Variants in ARHGEF38 observed in about 807,000 individuals in gnomAD.
ARHGEF38 encodes Rho guanine nucleotide exchange factor 38, also known as Rho guanine nucleotide exchange factor (GEF) 38.
In ARHGEF38, 79 loss-of-function variants were observed where a neutral mutation model predicts 79.9. That is an observed-to-expected ratio of 0.99 (90% CI 0.82 to 1.19). The LOEUF is 1.19. ARHGEF38 is among the 50% of genes most tolerant of loss of function. The pLI, the probability that ARHGEF38 is intolerant of heterozygous loss-of-function variation, is 0.00. For missense variants in ARHGEF38, 962 were observed against 907.2 expected, an observed-to-expected ratio of 1.06 and a Z score of -0.78; for synonymous variants, 366 against 328.3, an observed-to-expected ratio of 1.11 and a Z score of -1.24.
At chr4:105,559,607 T>C (rs1725421099) in intron 1 of ARHGEF38, among the ~76,000 whole-genome samples, 1 of 152,160 alleles carries the variant, frequency 6.6e-6, no homozygotes, top group Admixed American at 6.6e-5. Context: ...CAGATTGTTA[T>C]AAAATATATT....
chr4:105,627,045 C>T (rs1170354424), intron 3 of ARHGEF38, among the ~76,000 whole-genome samples: 2 of 152,160 alleles, frequency 1.3e-5, no homozygotes, highest in Admixed American at 1.3e-4. Context: ...ACTTTATTTA[C>T]TTTTCACATA....
At chr4:105,572,642 GC>G (rs1726294716) in intron 1 of ARHGEF38, among the ~76,000 whole-genome samples, 1 of 152,048 alleles carries the variant, frequency 6.6e-6, no homozygotes, top group Non-Finnish European at 1.5e-5. Flanking sequence ...ATATGTATTT[GC>G]CCTTTGTGCC....
intron 10 of ARHGEF38, among the ~76,000 whole-genome samples, chr4:105,659,963 C>T (rs1292215672): frequency 6.6e-6 from 1 of 151,424 alleles, no homozygotes; most frequent in African/African-American, 2.4e-5. Context: ...CAACTTATAT[C>T]AACTTTTGAA....
At position 105,659,385 on chromosome 4, in the gene ARHGEF38, C is replaced by A; in HGVS notation, c.1545+20C>A. 3.3e-6 allele frequency: 5 copies of A among 1,521,350 alleles called. No individual in the cohort carries two copies. The highest frequency in any genetic ancestry group is 4.4e-6 in the Non-Finnish European group (5 of 1,139,126). The allele number at this position is 1,521,350 out of a possible 1,614,324, so 94.2% of individuals were successfully genotyped here. On this transcript the variant is annotated intron_variant, in intron 10 of 13. Coordinates refer to ENST00000420470, the MANE Select transcript of ARHGEF38 (RefSeq NM_001242729.2). ...GTGCCGGTAAGCACAGCACCAACAC[C>A]TAGCTAGCTACCTTGGCCTACTGGA...
chr4:105,598,149 C>T (rs980898971), intron 2 of ARHGEF38, among the ~76,000 whole-genome samples: 1 of 152,106 alleles, frequency 6.6e-6, no homozygotes, highest in Non-Finnish European at 1.5e-5. Context: ...TCACGCTATG[C>T]TTGAAACACC....
At chr4:105,589,856 A>G (rs1727239872) in intron 2 of ARHGEF38, among the ~76,000 whole-genome samples, 1 of 151,938 alleles carries the variant, frequency 6.6e-6, no homozygotes, top group Non-Finnish European at 1.5e-5. Flanking sequence ...ACATGGTGAA[A>G]CCTCATCTCT....
chr4:105,632,810 C>G lies in ARHGEF38; in HGVS notation c.656+1765C>G, dbSNP rs1022827861. ...ATGTGGTGCCTCTACTTTAGGCATG[C>G]GCTTCTAACTGTTCACCAGAAGTGG... is the stretch of plus-strand genomic sequence containing the variant. On this transcript the variant is annotated intron_variant, in intron 4 of 13. Coordinates refer to ENST00000420470, the MANE Select transcript of ARHGEF38 (RefSeq NM_001242729.2). The G allele has an allele frequency of 3.3e-5, 5 of 152,314 alleles. No homozygotes were observed. In the South Asian group the frequency reaches 1.0e-3, roughly 32 times the overall value. 9.4% of individuals were successfully genotyped at this position (152,314 alleles called of 1,614,324 possible).
intron 1 of ARHGEF38, among the ~76,000 whole-genome samples, chr4:105,574,685 T>C (rs1726401847): frequency 6.6e-6 from 1 of 152,162 alleles, no homozygotes; most frequent in Non-Finnish European, 1.5e-5. Context: ...TTTATTATGT[T>C]AAGGCGGTTT....
intron 5 of ARHGEF38, among the ~76,000 whole-genome samples, chr4:105,643,906 C>G (rs1403588344): frequency 3.1e-5 from 4 of 127,518 alleles, no homozygotes; most frequent in Non-Finnish European, 4.7e-5. Flanking sequence ...GCGACAGGCT[C>G]TCACTCTGTT....
intron 2 of ARHGEF38, among the ~76,000 whole-genome samples, chr4:105,603,407 G>A (rs1727907516): frequency 6.6e-6 from 1 of 152,068 alleles, no homozygotes; most frequent in African/African-American, 2.4e-5. Context: ...GTAAGGGAGG[G>A]GGAAGGTGTA....
chr4:105,553,647 A>T (rs1011507794), intron 1 of ARHGEF38, among the ~76,000 whole-genome samples: 1 of 152,228 alleles, frequency 6.6e-6, no homozygotes, highest in African/African-American at 2.4e-5. Context: ...ATAGCACATC[A>T]TTTGTTTCAG....
intron 2 of ARHGEF38, among the ~76,000 whole-genome samples, chr4:105,610,254 G>T (rs183692129): frequency 1.3e-5 from 2 of 151,978 alleles, no homozygotes; most frequent in Admixed American, 6.6e-5. Flanking sequence ...GTTAATAGGT[G>T]CAGCAAACCA....
chr4:105,640,201 G>A (rs903266815), intron 5 of ARHGEF38, among the ~76,000 whole-genome samples: 11 of 151,786 alleles, frequency 7.2e-5, no homozygotes, highest in African/African-American at 2.4e-4. Context: ...AAGTTGTTAC[G>A]CTGTAATTTT....
chr4:105,597,973 T>C (rs1727656289), intron 2 of ARHGEF38, among the ~76,000 whole-genome samples: 1 of 152,218 alleles, frequency 6.6e-6, no homozygotes, highest in South Asian at 2.1e-4. Flanking sequence ...AAATTTTTCC[T>C]CTGATCCTTT....
At chr4:105,681,804 T>C (rs926367352), downstream of ARHGEF38, among the ~76,000 whole-genome samples, 2 of 152,188 alleles carry the variant, frequency 1.3e-5, no homozygotes, top group Admixed American at 1.3e-4. Context: ...ATCTCAAGAA[T>C]TAATCATTAT....
chr4:105,651,475 A>T (rs1285163344), intron 7 of ARHGEF38, among the ~76,000 whole-genome samples: 3 of 152,210 alleles, frequency 2.0e-5, no homozygotes, highest in Admixed American at 6.5e-5. Flanking sequence ...GACTACAAAG[A>T]TGAACAGGTA....
chr4:105,642,384 C>A (rs1050696429), intron 5 of ARHGEF38, among the ~76,000 whole-genome samples: 1 of 152,036 alleles, frequency 6.6e-6, no homozygotes, highest in African/African-American at 2.4e-5. Flanking sequence ...GGAGAAACAA[C>A]AATCATGTAT....
At chr4:105,636,784 T>C (rs1729414591) in intron 5 of ARHGEF38, among the ~76,000 whole-genome samples, 2 of 152,114 alleles carry the variant, frequency 1.3e-5, no homozygotes, top group Non-Finnish European at 1.5e-5. Flanking sequence ...TCATAATGCA[T>C]TTGAAGTTTC....
chr4:105,622,111 A>G (rs1369377095), intron 3 of ARHGEF38, among the ~76,000 whole-genome samples: 1 of 152,230 alleles, frequency 6.6e-6, no homozygotes, highest in East Asian at 1.9e-4. Context: ...TATTTCTTAC[A>G]ATAAAAATAA....
Sources: gnomAD v4.1 joint callset for allele counts (sites outside exome capture counted in the v4.1 genomes callset) on GRCh38, gnomAD v4.1.1 for gene constraint, MANE v1.5 for transcripts, NCBI Gene and HGNC (gene_info 2026-07-23, HGNC 2026-07-21) for gene names.